ROBO1: variants seen among roughly 807,000 people sequenced by gnomAD.
ROBO1 encodes the protein roundabout guidance receptor 1.
A neutral mutation model predicts 195.9 loss-of-function variants in ROBO1; 149 were observed. The observed-to-expected ratio is 0.76, with a 90% CI of 0.67 to 0.87. The LOEUF (loss-of-function observed/expected upper bound fraction) is 0.87. ROBO1 is among the 40% of genes least tolerant of loss of function. The pLI is 0.00. For synonymous variants in ROBO1, 816 were observed against 733.2 expected, an observed-to-expected ratio of 1.11 and a Z score of -1.82; for missense variants, 1,933 against 2,068.3, an observed-to-expected ratio of 0.93 and a Z score of 1.27.
chr3:79,618,164 G>A (rs1435422206), intron 1 of ROBO1, among the ~76,000 whole-genome samples: 1 of 152,112 alleles, frequency 6.6e-6, no homozygotes, highest in African/African-American at 2.4e-5. Flanking sequence ...ATATGCATTT[G>A]TGAAAGAGAA....
chr3:78,859,078 A>T (rs934124771), intron 4 of ROBO1, among the ~76,000 whole-genome samples: 1 of 152,156 alleles, frequency 6.6e-6, no homozygotes, highest in African/African-American at 2.4e-5. Context: ...TTCCAAGTGG[A>T]CTACAGCAGG....
intron 4 of ROBO1, among the ~76,000 whole-genome samples, chr3:78,922,326 A>G (rs2038981045): frequency 6.6e-6 from 1 of 151,926 alleles, no homozygotes. Flanking sequence ...CATTTCTGCC[A>G]AAAATGATCA....
intron 3 of ROBO1, among the ~76,000 whole-genome samples, chr3:78,969,942 T>C (rs1576488593): frequency 6.6e-6 from 1 of 152,238 alleles, no homozygotes; most frequent in Non-Finnish European, 1.5e-5. Context: ...AACAAAAAGA[T>C]AGATAAAAAT....
At chr3:78,958,589 C>T (rs145681706) in intron 3 of ROBO1, among the ~76,000 whole-genome samples, 2 of 152,070 alleles carry the variant, frequency 1.3e-5, no homozygotes, top group Non-Finnish European at 2.9e-5. Flanking sequence ...TTTCTGAACA[C>T]AACTTTCAAA....
intron 2 of ROBO1, among the ~76,000 whole-genome samples, chr3:79,496,890 T>C (rs1939777478): frequency 6.6e-6 from 1 of 152,328 alleles, no homozygotes; most frequent in African/African-American, 2.4e-5. Flanking sequence ...AAAATGTACA[T>C]TATCATTTTC....
intron 3 of ROBO1, among the ~76,000 whole-genome samples, chr3:79,001,464 G>A (rs1002249709): frequency 1.1e-4 from 17 of 151,974 alleles, no homozygotes; most frequent in Non-Finnish European, 1.6e-4. Context: ...CAGCCAAACC[G>A]TATCGTGAAC....
intron 2 of ROBO1, among the ~76,000 whole-genome samples, chr3:79,173,346 G>A (rs1387996693): frequency 6.6e-6 from 1 of 152,156 alleles, no homozygotes. Context: ...AGGGAGAGGC[G>A]CGAGTGGGAA....
intron 4 of ROBO1, among the ~76,000 whole-genome samples, chr3:78,825,442 A>C (rs1165572016): frequency 6.6e-6 from 1 of 152,186 alleles, no homozygotes; most frequent in East Asian, 1.9e-4. Flanking sequence ...GAGGAGTTAG[A>C]AATGTCCCAG....
intron 2 of ROBO1, among the ~76,000 whole-genome samples, chr3:79,483,688 G>A (rs960545161): frequency 9.9e-5 from 15 of 152,128 alleles, no homozygotes; most frequent in African/African-American, 3.6e-4. Flanking sequence ...CATAGAAAAT[G>A]TGCAGGAAAA....
chr3:79,730,978 T>C (rs918106519), intron 1 of ROBO1, among the ~76,000 whole-genome samples: 5 of 151,808 alleles, frequency 3.3e-5, no homozygotes, highest in Non-Finnish European at 7.4e-5. Context: ...GGGGTTTCAC[T>C]GTGTTAGCCA....
intron 2 of ROBO1, among the ~76,000 whole-genome samples, chr3:79,425,875 T>C (rs559429944): frequency 1.3e-5 from 2 of 152,322 alleles, no homozygotes; most frequent in Admixed American, 1.3e-4. Flanking sequence ...TCACTTGTTA[T>C]TGGTTGCATT....
At chr3:79,171,651 A>C (rs2081168290) in intron 2 of ROBO1, among the ~76,000 whole-genome samples, 1 of 152,140 alleles carries the variant, frequency 6.6e-6, no homozygotes, top group African/African-American at 2.4e-5. Flanking sequence ...ATTGAAAAAC[A>C]AGTGAAGTTC....
intron 2 of ROBO1, among the ~76,000 whole-genome samples, chr3:79,414,296 T>C (rs2037908636): frequency 6.6e-6 from 1 of 151,836 alleles, no homozygotes; most frequent in Non-Finnish European, 1.5e-5. Context: ...ATACAGCTCA[T>C]TGTGGGCTTT....
chr3:79,401,490 C>T (rs1344421286), intron 2 of ROBO1, among the ~76,000 whole-genome samples: 1 of 151,682 alleles, frequency 6.6e-6, no homozygotes, highest in African/African-American at 2.4e-5. Context: ...AAATTAAGTC[C>T]TTTGGGAATG....
At chr3:78,835,052 T>C (rs1158230908) in intron 4 of ROBO1, among the ~76,000 whole-genome samples, 1 of 152,166 alleles carries the variant, frequency 6.6e-6, no homozygotes, top group Non-Finnish European at 1.5e-5. Context: ...CGGACTTTCA[T>C]AACAGAGGGA....
chr3:79,306,541 C>G (rs1326647277), intron 2 of ROBO1, among the ~76,000 whole-genome samples: 1 of 152,204 alleles, frequency 6.6e-6, no homozygotes. Flanking sequence ...TCGCATGCCC[C>G]TTAGCGTACC....
chr3:79,506,172 G>T (rs1422766825), intron 2 of ROBO1, among the ~76,000 whole-genome samples: 1 of 151,798 alleles, frequency 6.6e-6, no homozygotes, highest in Non-Finnish European at 1.5e-5. Flanking sequence ...AGTGTTTTGA[G>T]ATTTTATGAT....
chr3:78,960,610 C>A (rs145490608), intron 3 of ROBO1, among the ~76,000 whole-genome samples: 40 of 151,870 alleles, frequency 2.6e-4, no homozygotes, highest in African/African-American at 9.4e-4. Flanking sequence ...GAAATCCCAT[C>A]GCTACTAAAA....
intron 4 of ROBO1, among the ~76,000 whole-genome samples, chr3:78,904,127 C>CAT (rs1328155029): frequency 1.3e-5 from 2 of 151,176 alleles, no homozygotes; most frequent in East Asian, 2.0e-4. Context: ...ATATATACAA[C>CAT]ATATATATAC....
Sources: allele counts gnomAD v4.1 joint callset (sites outside exome capture counted in the v4.1 genomes callset), GRCh38; gene constraint gnomAD v4.1.1; transcripts MANE v1.5; gene names NCBI Gene and HGNC (gene_info 2026-07-23, HGNC 2026-07-21).